The following RAD51B variants were observed in gnomAD, a reference collection of about 807,000 sequenced individuals.
RAD51B encodes the protein DNA repair protein RAD51 homolog 2.
Under a neutral mutation model 42.2 loss-of-function variants are expected in RAD51B, and 38 were observed. The ratio of observed to expected loss-of-function variants is 0.90; its 90% CI spans 0.70 to 1.18. RAD51B has a LOEUF of 1.18. Among genes scored for constraint, RAD51B ranks in the 50% most tolerant of loss-of-function variants. RAD51B has a pLI of 0.00. For missense variants in RAD51B, 373 were observed against 400.7 expected (o/e 0.93, Z 0.59); for synonymous variants, 154 against 145.2 (o/e 1.06, Z -0.43).
chr14:67,947,162 A>G (rs2045423688), intron 7 of RAD51B, among the ~76,000 whole-genome samples: 1 of 152,202 alleles, frequency 6.6e-6, no homozygotes, highest in Non-Finnish European at 1.5e-5. Context: ...TATCATCATC[A>G]TTAATAAACA....
chr14:68,670,511 G>A (rs1026902322), intron 11 of RAD51B, among the ~76,000 whole-genome samples: 1 of 152,190 alleles, frequency 6.6e-6, no homozygotes, highest in Non-Finnish European at 1.5e-5. Context: ...TGTGGAAAAA[G>A]CCCAGAACTG....
intron 7 of RAD51B, among the ~76,000 whole-genome samples, chr14:67,984,572 G>A (rs1238228930): frequency 6.6e-6 from 1 of 151,896 alleles, no homozygotes; most frequent in Non-Finnish European, 1.5e-5. Context: ...CTGTTTCTTT[G>A]CCTTTTGTCA....
At chr14:68,377,274 G>A (rs1478533376) in intron 8 of RAD51B, among the ~76,000 whole-genome samples, 1 of 152,164 alleles carries the variant, frequency 6.6e-6, no homozygotes, top group Non-Finnish European at 1.5e-5. Flanking sequence ...CAGAGTGAGC[G>A]AAGGGGTTTG....
intron 5 of RAD51B, among the ~76,000 whole-genome samples, chr14:67,870,304 G>C (rs1453756866): frequency 6.6e-6 from 1 of 152,192 alleles, no homozygotes; most frequent in Admixed American, 6.5e-5. Flanking sequence ...TGATAAAACA[G>C]ACTTTAAACC....
rs898399863 is a variant in RAD51B, at chr14:68,493,568, C to T, written c.1036+25318C>T. 3.9e-5 allele frequency among the ~76,000 whole-genome samples: 6 copies of T among 152,200 alleles called. No homozygotes were observed. The East Asian group carries it at 9.6e-4, about 24-fold the overall frequency. On this transcript the variant is annotated intron_variant, in intron 10 of 10. Coordinates refer to the RAD51B transcript ENST00000487270. ...GCTTTCCATATACCCACGATTAGCT[C>T]GGATTTTATTTTTTAGCCATTGCTG...
At chr14:68,109,338 A>G (rs777859175) in intron 7 of RAD51B, among the ~76,000 whole-genome samples, 3 of 152,008 alleles carry the variant, frequency 2.0e-5, no homozygotes, top group Non-Finnish European at 4.4e-5. Context: ...AGCTTATGGT[A>G]TGAATTCATA....
At chr14:68,321,636 T>TG (rs1213951049) in intron 8 of RAD51B, among the ~76,000 whole-genome samples, 3 of 152,218 alleles carry the variant, frequency 2.0e-5, no homozygotes, top group Non-Finnish European at 4.4e-5. Flanking sequence ...CTTGAGCAAG[T>TG]TACTTAAACT....
chr14:68,468,186 G>C lies in RAD51B; in HGVS notation c.972G>C (p.Lys324Asn). The C allele has an allele frequency of 3.7e-6, 6 of 1,613,956 alleles. No homozygotes were observed. Among genetic ancestry groups the C allele is most frequent in the Non-Finnish European group, 5.1e-6 (6 of 1,179,876 alleles). Reference protein sequence around the residue: ...DSERRQILIAKSPLAPFTSFV... With the variant: ...DSERRQILIANSPLAPFTSFV... ...TTTATGTGCAGATTCTTATTGCCAA[G>C]TCCCCTCTGGCTCCCTTCACCTCAT... Residue 324 changes from lysine to asparagine, a missense_variant, in exon 10 of 11, where the codon AAG becomes AAC. Physicochemically the swap from Lys to Asn is moderately conservative, Grantham distance 94. Transcript: ENST00000471583.
At chr14:68,153,544 G>A (rs534399664) in intron 7 of RAD51B, among the ~76,000 whole-genome samples, 1 of 152,254 alleles carries the variant, frequency 6.6e-6, no homozygotes, top group Admixed American at 6.5e-5. Context: ...ACTTGTGTGA[G>A]ATATTATCTC....
At chr14:68,100,896 A>T (rs1162262187) in intron 7 of RAD51B, among the ~76,000 whole-genome samples, 1 of 152,166 alleles carries the variant, frequency 6.6e-6, no homozygotes, top group Non-Finnish European at 1.5e-5. Flanking sequence ...CTCACCTGCT[A>T]ATGAAGACAT....
chr14:68,595,188 A>T, exon 11 of RAD51B: 12 of 1,064,294 alleles, frequency 1.1e-5, no homozygotes, highest in Non-Finnish European at 1.4e-5. Flanking sequence ...ATGGAGCAGA[A>T]CACTTACATG....
chr14:68,466,268 T>C (rs1447530481), intron 9 of RAD51B, among the ~76,000 whole-genome samples: 1 of 152,214 alleles, frequency 6.6e-6, no homozygotes. Context: ...TTGGAAATGT[T>C]CCTATTATTT....
At chr14:68,397,659 A>G (rs1431896458) in intron 8 of RAD51B, among the ~76,000 whole-genome samples, 2 of 152,172 alleles carry the variant, frequency 1.3e-5, no homozygotes, top group Non-Finnish European at 2.9e-5. Context: ...CATGGTGGCC[A>G]TGGGGACACC....
At chr14:68,073,151 A>G (rs2076780466) in intron 7 of RAD51B, among the ~76,000 whole-genome samples, 1 of 152,116 alleles carries the variant, frequency 6.6e-6, no homozygotes, top group African/African-American at 2.4e-5. Context: ...TCATGTGGTT[A>G]TCTATGTCTT....
At chr14:68,062,343 G>A (rs2076580297) in intron 7 of RAD51B, among the ~76,000 whole-genome samples, 1 of 152,110 alleles carries the variant, frequency 6.6e-6, no homozygotes, top group East Asian at 1.9e-4. Context: ...AGGACTATTG[G>A]CCTGTAGTTT....
chr14:68,279,400 T>C (rs1002089698), intron 7 of RAD51B, among the ~76,000 whole-genome samples: 1 of 152,204 alleles, frequency 6.6e-6, no homozygotes, highest in Admixed American at 6.5e-5. Flanking sequence ...GTATGTAGGA[T>C]TGGTAGTCAG....
chr14:67,897,282 G>A (rs929733281), intron 7 of RAD51B, among the ~76,000 whole-genome samples: 14 of 151,964 alleles, frequency 9.2e-5, no homozygotes, highest in Non-Finnish European at 1.9e-4. Context: ...GCATAGCAAA[G>A]GAAATAAGAA....
intron 9 of RAD51B, 121 bp from the exon 10 acceptor site, chr14:68,468,051 T>G (rs1449216923): frequency 1.2e-6 from 1 of 810,048 alleles, no homozygotes; most frequent in Non-Finnish European, 2.0e-6. Flanking sequence ...TTTTTTTTTT[T>G]AAATAAGCCT....
At chr14:68,367,389 G>C (rs1214080229) in intron 8 of RAD51B, among the ~76,000 whole-genome samples, 1 of 152,136 alleles carries the variant, frequency 6.6e-6, no homozygotes, top group East Asian at 1.9e-4. Context: ...AGTTGTAAGG[G>C]ACCATTGGAA....
Sources: gnomAD v4.1 joint callset for allele counts (sites outside exome capture counted in the v4.1 genomes callset) on GRCh38, gnomAD v4.1.1 for gene constraint, MANE v1.5 for transcripts, NCBI Gene and HGNC (gene_info 2026-07-23, HGNC 2026-07-21) for gene names.